PACSIN2: variants seen among roughly 807,000 people sequenced by gnomAD.
PACSIN2 encodes protein kinase C and casein kinase substrate in neurons protein 2.
In PACSIN2, 25 loss-of-function variants were observed where a neutral mutation model predicts 63.8. The ratio of observed to expected loss-of-function variants is 0.39; its 90% CI spans 0.29 to 0.55. PACSIN2 has a LOEUF of 0.55. Among genes scored for constraint, PACSIN2 ranks in the 20% least tolerant of loss-of-function variants. The pLI is 0.62. For missense variants in PACSIN2, 518 were observed against 646.9 expected (o/e 0.80, Z 2.16); for synonymous variants, 255 against 256.2 (o/e 1.00, Z 0.05).
intron 1 of PACSIN2, among the ~76,000 whole-genome samples, chr22:42,962,351 G>A (rs1934165542): frequency 6.6e-6 from 1 of 152,026 alleles, no homozygotes; most frequent in Non-Finnish European, 1.5e-5. Flanking sequence ...AGCTCTTTGG[G>A]GGTAAGCATT....
intron 1 of PACSIN2, among the ~76,000 whole-genome samples, chr22:42,964,829 C>T (rs532882373): frequency 4.6e-5 from 7 of 152,208 alleles, no homozygotes; most frequent in Middle Eastern, 3.4e-3. Flanking sequence ...ATCCTACAGG[C>T]TGGCCCAAGC....
intron 2 of PACSIN2, among the ~76,000 whole-genome samples, chr22:42,911,314 G>A (rs932863371): frequency 6.6e-6 from 1 of 151,720 alleles, no homozygotes; most frequent in Non-Finnish European, 1.5e-5. Context: ...GTAGGCTGAG[G>A]TGGGAGGATG....
rs137923171 is a variant in PACSIN2, at chr22:42,911,337, G to C, written c.60+684C>G. Among the ~76,000 whole-genome samples the C allele has an allele frequency of 8.8e-3, 1,327 of 151,150 alleles. 25 individuals are homozygous for C. Among genetic ancestry groups the C allele is most frequent in the African/African-American group, 0.031 (1,258 of 41,082 alleles). On this transcript the variant is annotated intron_variant, in intron 2 of 10. Coordinates refer to ENST00000263246, the MANE Select transcript of PACSIN2 (RefSeq NM_001184970.3). ...AGGTGGGAGGATGGCTTGAGCCCAG[G>C]AGATCAAGGCTTCAGTGAGCCATGA...
chr22:42,953,837 G>A (rs896770663), intron 1 of PACSIN2, among the ~76,000 whole-genome samples: 6 of 152,188 alleles, frequency 3.9e-5, no homozygotes, highest in African/African-American at 4.8e-5. Context: ...AGAGGCAAGC[G>A]TGATTGTGTG....
intron 1 of PACSIN2, among the ~76,000 whole-genome samples, chr22:42,982,891 C>CAA (rs1227335781): frequency 2.4e-5 from 2 of 82,706 alleles, no homozygotes; most frequent in African/African-American, 8.3e-5. Flanking sequence ...AAAAAAAAAA[C>CAA]AACAACAAGG....
At chr22:42,923,307 GAC>G (rs1440960551) in intron 1 of PACSIN2, among the ~76,000 whole-genome samples, 2 of 152,214 alleles carry the variant, frequency 1.3e-5, no homozygotes, top group African/African-American at 4.8e-5. Context: ...ATGCAAGGCA[GAC>G]CACATTGCTG....
chr22:42,881,846 G>A (rs1929100337), intron 7 of PACSIN2, among the ~76,000 whole-genome samples: 1 of 152,086 alleles, frequency 6.6e-6, no homozygotes, highest in South Asian at 2.1e-4. Flanking sequence ...CATCCCACAG[G>A]GTGGGTCAGG....
chr22:42,985,569 G>C (rs1008859478), intron 1 of PACSIN2, among the ~76,000 whole-genome samples: 1 of 152,222 alleles, frequency 6.6e-6, no homozygotes, highest in Non-Finnish European at 1.5e-5. Flanking sequence ...GCCCTCGCTC[G>C]GCCAACCCCT....
intron 1 of PACSIN2, among the ~76,000 whole-genome samples, chr22:42,941,933 C>A (rs996208877): frequency 2.6e-5 from 4 of 152,018 alleles, no homozygotes; most frequent in South Asian, 2.1e-4. Flanking sequence ...TGGGCCAACA[C>A]GCCCAGCTAA....
chr22:42,921,565 CA>C (rs1198791303), intron 1 of PACSIN2, among the ~76,000 whole-genome samples: 1 of 152,006 alleles, frequency 6.6e-6, no homozygotes, highest in Non-Finnish European at 1.5e-5. Flanking sequence ...AAACTGAAAT[CA>C]GGGGAAAACA....
intron 4 of PACSIN2, among the ~76,000 whole-genome samples, chr22:42,889,543 T>G (rs1472298535): frequency 6.6e-6 from 1 of 151,994 alleles, no homozygotes; most frequent in Non-Finnish European, 1.5e-5. Flanking sequence ...AAAGGAGATG[T>G]GACAAAAGCT....
chr22:42,987,769 C>T (rs1255711056), intron 1 of PACSIN2, among the ~76,000 whole-genome samples: 2 of 151,998 alleles, frequency 1.3e-5, no homozygotes, highest in Admixed American at 6.6e-5. Flanking sequence ...CTCCTGACCT[C>T]ATCATCTACC....
At position 42,978,699 on chromosome 22, in the gene PACSIN2, T is replaced by C. The variant is rs752715406; in HGVS notation, c.-78+36322A>G. On this transcript the variant is annotated intron_variant, in intron 1 of 10. Coordinates refer to ENST00000263246, the MANE Select transcript of PACSIN2 (RefSeq NM_001184970.3). ...GCTTTTTGGCCTGCAGACGTTCAGG[T>C]GGACTCAGATCTGAGACATATTCAA... 6.7e-4 allele frequency among the ~76,000 whole-genome samples: 102 copies of C among 152,220 alleles called. 2 individuals carry two copies. Among genetic ancestry groups the C allele is most frequent in the Non-Finnish European group, 1.5e-4 (10 of 68,048 alleles).
At chr22:42,975,222 C>T (rs1475181334) in intron 1 of PACSIN2, among the ~76,000 whole-genome samples, 1 of 152,136 alleles carries the variant, frequency 6.6e-6, no homozygotes, top group African/African-American at 2.4e-5. Context: ...CCATATTCAC[C>T]ACAAGTTTTA....
At chr22:42,884,591 G>A (rs1267413252) in intron 5 of PACSIN2, 30 bp from the exon 6 acceptor site, 1 of 1,596,982 alleles carries the variant, frequency 6.3e-7, no homozygotes, top group Admixed American at 1.7e-5. Context: ...CAAGACAGAG[G>A]TTCATTTCCA....
chr22:42,926,544 G>T (rs1932546310), intron 1 of PACSIN2, among the ~76,000 whole-genome samples: 1 of 151,984 alleles, frequency 6.6e-6, no homozygotes. Flanking sequence ...CGAGGACACA[G>T]AATCACTTCA....
chr22:42,919,371 A>G (rs1932015418), intron 1 of PACSIN2, among the ~76,000 whole-genome samples: 1 of 152,186 alleles, frequency 6.6e-6, no homozygotes, highest in African/African-American at 2.4e-5. Flanking sequence ...AAAGTGACAG[A>G]CAAATGAGTC....
intron 1 of PACSIN2, among the ~76,000 whole-genome samples, chr22:42,992,740 T>C (rs1207503772): frequency 1.3e-5 from 2 of 152,240 alleles, no homozygotes; most frequent in Non-Finnish European, 2.9e-5. Context: ...AATAGGTGAA[T>C]GAACAAATTG....
chr22:42,957,736 T>G (rs1470311776), intron 1 of PACSIN2, among the ~76,000 whole-genome samples: 1 of 152,214 alleles, frequency 6.6e-6, no homozygotes, highest in South Asian at 2.1e-4. Context: ...GCAGAAATGC[T>G]AAAGGTTTGG....
Sources: gnomAD v4.1 joint callset for allele counts (sites outside exome capture counted in the v4.1 genomes callset) on GRCh38, gnomAD v4.1.1 for gene constraint, MANE v1.5 for transcripts, NCBI Gene and HGNC (gene_info 2026-07-23, HGNC 2026-07-21) for gene names.